The following MSI2 variants were observed in gnomAD, a reference collection of about 807,000 sequenced individuals.
The protein encoded by MSI2 is RNA-binding protein Musashi homolog 2.
MSI2 carries 17 observed loss-of-function variants against 45.6 expected under a neutral mutation model. The ratio of observed to expected loss-of-function variants is 0.37; its 90% CI spans 0.26 to 0.56. The LOEUF (loss-of-function observed/expected upper bound fraction) is 0.56. Among genes scored for constraint, MSI2 ranks in the 20% least tolerant of loss-of-function variants. MSI2 has a pLI of 0.77. For synonymous variants in MSI2, 156 were observed against 158.2 expected, an observed-to-expected ratio of 0.99 and a Z score of 0.11; for missense variants, 293 against 444.2, an observed-to-expected ratio of 0.66 and a Z score of 3.06.
intron 7 of MSI2, among the ~76,000 whole-genome samples, chr17:57,576,594 A>G (rs2088052918): frequency 6.6e-6 from 1 of 152,076 alleles, no homozygotes; most frequent in African/African-American, 2.4e-5. Context: ...TGTCTCTACT[A>G]AAAATACAAA....
chr17:57,482,998 CTT>C (rs1475555321), intron 6 of MSI2, among the ~76,000 whole-genome samples: 1 of 152,186 alleles, frequency 6.6e-6, no homozygotes, highest in African/African-American at 2.4e-5. Context: ...GATTTTAAAA[CTT>C]TGCTCTGAAA....
At chr17:57,299,533 G>A (rs1303768779) in intron 5 of MSI2, among the ~76,000 whole-genome samples, 7 of 152,202 alleles carry the variant, frequency 4.6e-5, no homozygotes, top group Non-Finnish European at 8.8e-5. Flanking sequence ...GGGAAGGGAC[G>A]TGGGGGAATG....
In MSI2 at chr17:57,490,028, A is replaced by G. The variant is rs185712412; in HGVS notation, c.406-39648A>G. Among the ~76,000 whole-genome samples the G allele has an allele frequency of 6.3e-3, 961 of 152,300 alleles. 5 individuals are homozygous for G. Among genetic ancestry groups the G allele is most frequent in the Non-Finnish European group, 0.01 (683 of 68,024 alleles). On this transcript the variant is annotated intron_variant, in intron 6 of 13. Coordinates refer to ENST00000284073, the MANE Select transcript of MSI2 (RefSeq NM_138962.4). ...AAATTCTCATAGGAGACTGAAAACC[A>G]AGAATATACCTAATGGTAACAGGCA...
At chr17:57,401,599 C>A in intron 6 of MSI2, 128 bp downstream of exon 6, 2 of 693,276 alleles carry the variant, frequency 2.9e-6, no homozygotes, top group Admixed American at 2.6e-5. Context: ...ACCTGGCCAT[C>A]ATGATTTAAG....
chr17:57,555,367 G>A (rs901902638), intron 7 of MSI2, among the ~76,000 whole-genome samples: 50 of 150,378 alleles, frequency 3.3e-4, no homozygotes, highest in African/African-American at 1.1e-3. Context: ...GATTCTGGTC[G>A]TGCCAAGTTT....
At chr17:57,339,974 G>T (rs1310425070) in intron 5 of MSI2, among the ~76,000 whole-genome samples, 2 of 152,184 alleles carry the variant, frequency 1.3e-5, no homozygotes, top group East Asian at 1.9e-4. Context: ...CTGCTATAAA[G>T]TTGTGAGCCT....
intron 5 of MSI2, among the ~76,000 whole-genome samples, chr17:57,367,304 A>T (rs1299756158): frequency 6.6e-6 from 1 of 152,094 alleles, no homozygotes; most frequent in Non-Finnish European, 1.5e-5. Flanking sequence ...TTTCCTTCAA[A>T]TTTTAAGTTG....
At chr17:57,266,173 G>A (rs1250056934) in intron 5 of MSI2, 1 of 152,096 alleles carries the variant, frequency 6.6e-6, no homozygotes, top group Non-Finnish European at 1.5e-5. Context: ...TCACAGCGGG[G>A]TGGCCAGGGG....
rs138009642 is a variant in MSI2, at chr17:57,310,554, G to A, written c.312+48362G>A. Reference sequence around the variant, plus strand: ...TTACCATGTTGGCCAGGCTGGTCTCGAACTCCTGACTTCAAGTGATCCACC... The same window carrying A: ...TTACCATGTTGGCCAGGCTGGTCTCAAACTCCTGACTTCAAGTGATCCACC... On this transcript the variant is annotated intron_variant, in intron 5 of 13. Coordinates refer to ENST00000284073, the MANE Select transcript of MSI2 (RefSeq NM_138962.4). Among the ~76,000 whole-genome samples the A allele has an allele frequency of 3.6e-3, 546 of 152,126 alleles. 7 individuals are homozygous for A. Among genetic ancestry groups the A allele is most frequent in the African/African-American group, 0.011 (467 of 41,494 alleles).
chr17:57,472,051 G>A (rs1240980698), intron 6 of MSI2, among the ~76,000 whole-genome samples: 1 of 152,174 alleles, frequency 6.6e-6, no homozygotes, highest in African/African-American at 2.4e-5. Flanking sequence ...GGGTGGGCGT[G>A]CCCTTGCTGA....
chr17:57,684,841 C>G (rs1032218087), downstream of MSI2, among the ~76,000 whole-genome samples: 1 of 152,122 alleles, frequency 6.6e-6, no homozygotes, highest in African/African-American at 2.4e-5. Flanking sequence ...CGAAGAAGTC[C>G]CTGCCTTGTC....
At chr17:57,267,537 T>A (rs1907914516) in intron 5 of MSI2, 1 of 152,098 alleles carries the variant, frequency 6.6e-6, no homozygotes, top group African/African-American at 2.4e-5. Flanking sequence ...CCATCTCAGG[T>A]GCCGCTTGGG....
rs530855747 is a variant in MSI2 at position 57,563,748 on chromosome 17, A to G, written c.455-33120A>G. On this transcript the variant is annotated intron_variant, in intron 7 of 13. Coordinates refer to ENST00000284073, the MANE Select transcript of MSI2 (RefSeq NM_138962.4). ...CCCTCTCACACACACACAGGCGCGC[A>G]CACACACACACACACACACACACAC... Among the ~76,000 whole-genome samples, 718 of 106,900 alleles carry G rather than the reference A, an allele frequency of 6.7e-3. 1 individual carries two copies. Among genetic ancestry groups the G allele is most frequent in the African/African-American group, 0.019 (471 of 24,448 alleles). The allele number at this position is 106,900 out of a possible 152,430, so 70.1% of individuals were successfully genotyped here.
chr17:57,321,062 C>T (rs1187199885), intron 5 of MSI2, among the ~76,000 whole-genome samples: 1 of 151,612 alleles, frequency 6.6e-6, no homozygotes, highest in East Asian at 1.9e-4. Flanking sequence ...TATCCACTGG[C>T]TGTCTTACTC....
At chr17:57,693,288 T>C in the MSI2 span, among the ~76,000 whole-genome samples, 13 of 152,230 alleles carry the variant, frequency 8.5e-5, no homozygotes, top group African/African-American at 2.9e-4. Flanking sequence ...GTTCAAGCAA[T>C]CATCCCACCT....
intron 6 of MSI2, among the ~76,000 whole-genome samples, chr17:57,495,225 A>T (rs556289046): frequency 3.9e-5 from 6 of 152,170 alleles, no homozygotes; most frequent in Admixed American, 6.5e-5. Context: ...GGGGATCCTC[A>T]CAGCTGCCTT....
intron 6 of MSI2, among the ~76,000 whole-genome samples, chr17:57,468,596 A>G (rs1040668291): frequency 6.6e-6 from 1 of 151,320 alleles, no homozygotes; most frequent in Non-Finnish European, 1.5e-5. Context: ...TATTGTTGTT[A>G]CTACTGAAAG....
intron 6 of MSI2, among the ~76,000 whole-genome samples, chr17:57,436,871 A>G (rs1417586646): frequency 6.6e-6 from 1 of 152,182 alleles, no homozygotes; most frequent in South Asian, 2.1e-4. Flanking sequence ...CTGGTTTTAG[A>G]GAAAACATTT....
At chr17:57,431,664 A>T (rs1444246720) in intron 6 of MSI2, among the ~76,000 whole-genome samples, 1 of 152,228 alleles carries the variant, frequency 6.6e-6, no homozygotes, top group Non-Finnish European at 1.5e-5. Context: ...CAGCCATTGC[A>T]TCTTCCTGTC....
Sources: gnomAD v4.1 joint callset for allele counts (sites outside exome capture counted in the v4.1 genomes callset) on GRCh38, gnomAD v4.1.1 for gene constraint, MANE v1.5 for transcripts, NCBI Gene and HGNC (gene_info 2026-07-23, HGNC 2026-07-21) for gene names.